Variants in KCNH5 observed in about 807,000 individuals in gnomAD.
The protein encoded by KCNH5 is voltage-gated delayed rectifier potassium channel KCNH5.
In KCNH5, 46 loss-of-function variants were observed where a neutral mutation model predicts 96.1. The ratio of observed to expected loss-of-function variants is 0.48; its 90% confidence interval spans 0.38 to 0.61. The LOEUF is 0.61. Ranked by LOEUF, KCNH5 falls within the 20% of genes least tolerant of loss-of-function variation. The pLI is 0.00. For synonymous variants in KCNH5, 439 were observed against 449.8 expected (o/e 0.98, Z 0.30); for missense variants, 907 against 1,225.8 (o/e 0.74, Z 3.88).
chr14:62,721,476 T>TTC (rs374712325), intron 10 of KCNH5, among the ~76,000 whole-genome samples: 5 of 135,638 alleles, frequency 3.7e-5, no homozygotes, highest in Non-Finnish European at 7.9e-5. Flanking sequence ...TCATGTTTCT[T>TTC]TCTCTCTCTC....
intron 7 of KCNH5, among the ~76,000 whole-genome samples, chr14:62,886,355 T>A (rs1337177091): frequency 6.6e-6 from 1 of 152,226 alleles, no homozygotes; most frequent in African/African-American, 2.4e-5. Context: ...ATTGGACTAG[T>A]GGTCTGCACA....
intron 10 of KCNH5, among the ~76,000 whole-genome samples, chr14:62,755,356 C>T (rs1209610733): frequency 6.6e-6 from 1 of 152,110 alleles, no homozygotes; most frequent in African/African-American, 2.4e-5. Flanking sequence ...AATGTCTAGA[C>T]ACATACGACC....
intron 10 of KCNH5, among the ~76,000 whole-genome samples, chr14:62,765,101 C>T (rs145176881): frequency 0.012 from 1,758 of 152,196 alleles, 31 homozygotes; most frequent in African/African-American, 0.04. Flanking sequence ...CTGGAGGAAT[C>T]GCACTACCTG....
intron 7 of KCNH5, among the ~76,000 whole-genome samples, chr14:62,941,403 T>C (rs1889787150): frequency 6.6e-6 from 1 of 152,148 alleles, no homozygotes. Context: ...ACACAGTCTT[T>C]TTCTAACTAC....
At chr14:62,946,253 G>C (rs886212714) in intron 7 of KCNH5, among the ~76,000 whole-genome samples, 3 of 151,910 alleles carry the variant, frequency 2.0e-5, no homozygotes, top group Non-Finnish European at 4.4e-5. Context: ...CCAACTTCGG[G>C]GCCTCAGAAA....
chr14:62,910,015 G>A (rs913538799), intron 7 of KCNH5, among the ~76,000 whole-genome samples: 5 of 151,754 alleles, frequency 3.3e-5, no homozygotes, highest in African/African-American at 7.3e-5. Context: ...GTTCACTAAC[G>A]TAACTCAAGT....
chr14:62,807,017 T>G (rs895599950), intron 8 of KCNH5, among the ~76,000 whole-genome samples: 36 of 152,148 alleles, frequency 2.4e-4, no homozygotes, highest in African/African-American at 8.2e-4. Flanking sequence ...AGCAGCTGCC[T>G]GAACTTTTCA....
At chr14:62,789,269 T>G (rs779240837) in intron 9 of KCNH5, among the ~76,000 whole-genome samples, 2 of 152,098 alleles carry the variant, frequency 1.3e-5, no homozygotes, top group Non-Finnish European at 2.9e-5. Flanking sequence ...GTCTTTCTTT[T>G]TTAAGGTTGA....
intron 7 of KCNH5, among the ~76,000 whole-genome samples, chr14:62,890,516 A>G (rs1016035610): frequency 1.3e-5 from 2 of 149,414 alleles, no homozygotes; most frequent in Non-Finnish European, 3.0e-5. Flanking sequence ...TAACACGGTG[A>G]AACCCCGTCT....
intron 8 of KCNH5, among the ~76,000 whole-genome samples, chr14:62,806,969 T>C (rs534354209): frequency 2.4e-4 from 37 of 152,250 alleles, no homozygotes; most frequent in African/African-American, 8.2e-4. Context: ...ACTTGAGAGC[T>C]GACAGGATTG....
chr14:62,787,959 G>A (rs1030313270), intron 9 of KCNH5, among the ~76,000 whole-genome samples: 3 of 152,108 alleles, frequency 2.0e-5, no homozygotes, highest in Admixed American at 6.5e-5. Context: ...TTTTCATGCC[G>A]GCTAACACAA....
intron 10 of KCNH5, among the ~76,000 whole-genome samples, chr14:62,751,418 A>G (rs1402381646): frequency 6.6e-6 from 1 of 152,180 alleles, no homozygotes. Context: ...TCCTCTAGAG[A>G]TATGCCTAGT....
chr14:62,722,966 T>C (rs1044546077), intron 10 of KCNH5, among the ~76,000 whole-genome samples: 4 of 152,206 alleles, frequency 2.6e-5, no homozygotes, highest in African/African-American at 9.6e-5. Flanking sequence ...AATTTTGTTT[T>C]GTAGCTTGTA....
At chr14:62,803,145 T>C (rs563139404) in intron 8 of KCNH5, among the ~76,000 whole-genome samples, 4 of 152,252 alleles carry the variant, frequency 2.6e-5, no homozygotes, top group Admixed American at 2.6e-4. Context: ...AGCAAGACCT[T>C]ATCTCAAAAC....
chr14:62,943,864 C>G (rs1030843349), intron 7 of KCNH5, among the ~76,000 whole-genome samples: 1 of 152,160 alleles, frequency 6.6e-6, no homozygotes, highest in African/African-American at 2.4e-5. Context: ...AGAGAAGCAT[C>G]AGGCAACCCT....
chr14:62,871,155 T>C (rs1888246229), intron 7 of KCNH5, among the ~76,000 whole-genome samples: 2 of 152,234 alleles, frequency 1.3e-5, no homozygotes, highest in South Asian at 2.1e-4. Context: ...TTATTCAATA[T>C]TGATTATCAT....
chr14:63,023,490 T>C (rs1891468135), intron 1 of KCNH5, among the ~76,000 whole-genome samples: 1 of 152,244 alleles, frequency 6.6e-6, no homozygotes, highest in Non-Finnish European at 1.5e-5. Context: ...AATCACATAT[T>C]CCTCAGGATT....
At chr14:62,762,605 C>G (rs906330228) in intron 10 of KCNH5, among the ~76,000 whole-genome samples, 1 of 152,098 alleles carries the variant, frequency 6.6e-6, no homozygotes, top group Admixed American at 6.6e-5. Flanking sequence ...CCCATCGTCA[C>G]CCCACCCACA....
intron 10 of KCNH5, among the ~76,000 whole-genome samples, chr14:62,708,845 T>G (rs1004384094): frequency 6.6e-6 from 1 of 152,204 alleles, no homozygotes; most frequent in African/African-American, 2.4e-5. Context: ...TGTGTATACA[T>G]ATATAAGGAA....
Sources: gnomAD v4.1 joint callset for allele counts (sites outside exome capture counted in the v4.1 genomes callset) on GRCh38, gnomAD v4.1.1 for gene constraint, MANE v1.5 for transcripts, NCBI Gene and HGNC (gene_info 2026-07-23, HGNC 2026-07-21) for gene names.